GSK3B: variants seen among roughly 807,000 people sequenced by gnomAD.
GSK3B encodes glycogen synthase kinase 3 beta.
GSK3B carries 15 observed loss-of-function variants against 56.4 expected under a neutral mutation model. The ratio of observed to expected loss-of-function variants is 0.27; its 90% CI spans 0.18 to 0.41. The LOEUF is 0.41. Ranked by LOEUF, GSK3B falls within the 10% of genes least tolerant of loss-of-function variation. The pLI is 1.00. For synonymous variants in GSK3B, 181 were observed against 188.9 expected, an observed-to-expected ratio of 0.96 and a Z score of 0.34; for missense variants, 300 against 513.4, an observed-to-expected ratio of 0.58 and a Z score of 4.02.
At chr3:120,089,299 T>G (rs2058491501) in intron 1 of GSK3B, among the ~76,000 whole-genome samples, 1 of 152,236 alleles carries the variant, frequency 6.6e-6, no homozygotes, top group African/African-American at 2.4e-5. Context: ...CATGCAATTC[T>G]TAAATATCTT....
chr3:119,829,392 A>G (rs2055564723), intron 10 of GSK3B, among the ~76,000 whole-genome samples: 1 of 152,180 alleles, frequency 6.6e-6, no homozygotes, highest in Non-Finnish European at 1.5e-5. Context: ...TCAGTATGGG[A>G]AGATAACAGG....
At chr3:119,986,644 C>T (rs1293498476) in intron 2 of GSK3B, among the ~76,000 whole-genome samples, 7 of 152,148 alleles carry the variant, frequency 4.6e-5, no homozygotes, top group African/African-American at 9.7e-5. Context: ...TACCATCTCA[C>T]GCCAGTTAGA....
intron 2 of GSK3B, among the ~76,000 whole-genome samples, chr3:119,978,303 C>G (rs1351502669): frequency 6.6e-6 from 1 of 152,072 alleles, no homozygotes; most frequent in Non-Finnish European, 1.5e-5. Context: ...AGATTCCAAC[C>G]CCGCCATAAA....
At chr3:119,866,735 G>T (rs906945055) in intron 8 of GSK3B, 10 of 697,870 alleles carry the variant, frequency 1.4e-5, no homozygotes, top group East Asian at 5.4e-5. Flanking sequence ...TCCATGGTGT[G>T]GGGGGGGACA....
intron 1 of GSK3B, among the ~76,000 whole-genome samples, chr3:120,063,962 G>A (rs1034206775): frequency 5.9e-5 from 9 of 151,904 alleles, no homozygotes; most frequent in African/African-American, 1.5e-4. Context: ...ACTCCAGCCT[G>A]GGCAACAGAG....
chr3:120,083,979 G>C lies in GSK3B; in HGVS notation c.88+9368C>G, dbSNP rs12633661. 2.1e-3 allele frequency among the ~76,000 whole-genome samples: 316 copies of C among 152,282 alleles called. 4 individuals are homozygous for C. Among genetic ancestry groups the C allele is most frequent in the East Asian group, 0.012 (64 of 5,192 alleles). ...GGTTGCCTAGAGCTGTGGGGAAGGG[G>C]AACATAGGGAATGGCTGCTAATGGG... On this transcript the variant is annotated intron_variant, in intron 1 of 10. Transcript: ENST00000264235.
intron 2 of GSK3B, among the ~76,000 whole-genome samples, chr3:119,976,296 A>C (rs1279718238): frequency 1.3e-5 from 2 of 152,240 alleles, no homozygotes; most frequent in Non-Finnish European, 2.9e-5. Context: ...AGCATCATTC[A>C]TAACAGCCAA....
At chr3:119,948,698 T>C (rs1454079702) in intron 2 of GSK3B, among the ~76,000 whole-genome samples, 1 of 152,160 alleles carries the variant, frequency 6.6e-6, no homozygotes, top group Non-Finnish European at 1.5e-5. Context: ...TATACTTTGT[T>C]TTTTTGTTTG....
intron 7 of GSK3B, among the ~76,000 whole-genome samples, chr3:119,897,000 T>C (rs1330304122): frequency 6.6e-6 from 1 of 152,208 alleles, no homozygotes; most frequent in African/African-American, 2.4e-5. Context: ...ACTCAGGTCC[T>C]AAAATACAAC....
chr3:120,013,305 C>T (rs1576271135), intron 1 of GSK3B, among the ~76,000 whole-genome samples: 1 of 152,308 alleles, frequency 6.6e-6, no homozygotes, highest in African/African-American at 2.4e-5. Context: ...GCTGAACATA[C>T]TTTGTTCATT....
chr3:119,855,351 A>G (rs930579924), intron 9 of GSK3B, among the ~76,000 whole-genome samples: 10 of 152,206 alleles, frequency 6.6e-5, no homozygotes, highest in African/African-American at 2.2e-4. Flanking sequence ...GAGGATGTGG[A>G]AAAATAGGAA....
At position 119,823,049 on chromosome 3, in the gene GSK3B, T is replaced by TA. The variant is rs59824213; in HGVS notation, c.*3738dup. Reference sequence around the variant, plus strand: ...AATGTGTCTAAAAATTAAGAGGACTTAAAAAAAATGACACAGCATGTCACT... The same window carrying TA: ...AATGTGTCTAAAAATTAAGAGGACTTAAAAAAAAATGACACAGCATGTCACT... On this transcript the variant is annotated 3_prime_UTR_variant, in exon 11 of 11. Coordinates refer to ENST00000264235, the MANE Select transcript of GSK3B (RefSeq NM_001146156.2). The TA allele has an allele frequency of 5.7e-5, 13 of 229,126 alleles. No homozygotes were observed. Among genetic ancestry groups the TA allele is most frequent in the East Asian group, 1.2e-4 (2 of 16,118 alleles). 14.2% of individuals were successfully genotyped at this position (229,126 alleles called of 1,614,324 possible).
intron 3 of GSK3B, among the ~76,000 whole-genome samples, chr3:119,939,770 G>C (rs1355430332): frequency 6.6e-6 from 1 of 152,108 alleles, no homozygotes; most frequent in Non-Finnish European, 1.5e-5. Context: ...TTTAATAATT[G>C]ATATATAGCA....
intron 2 of GSK3B, among the ~76,000 whole-genome samples, chr3:119,953,228 C>T (rs1263142762): frequency 4.6e-5 from 7 of 151,974 alleles, no homozygotes; most frequent in Admixed American, 6.6e-5. Context: ...AGACTTAAGA[C>T]GATACACTAA....
At chr3:120,042,384 G>A (rs2058070783) in intron 1 of GSK3B, among the ~76,000 whole-genome samples, 1 of 152,184 alleles carries the variant, frequency 6.6e-6, no homozygotes, top group South Asian at 2.1e-4. Context: ...CATGTGTGAT[G>A]CAGTCTTCAT....
chr3:120,003,380 TACATTG>T (rs1401250516), intron 1 of GSK3B, among the ~76,000 whole-genome samples: 2 of 152,234 alleles, frequency 1.3e-5, no homozygotes, highest in African/African-American at 4.8e-5. Context: ...AAAAGAGCTT[TACATTG>T]TTCTTTTAGT....
intron 7 of GSK3B, among the ~76,000 whole-genome samples, chr3:119,896,997 T>G (rs1045775473): frequency 6.6e-6 from 1 of 152,196 alleles, no homozygotes; most frequent in Non-Finnish European, 1.5e-5. Flanking sequence ...TTGACTCAGG[T>G]CCTAAAATAC....
intron 3 of GSK3B, among the ~76,000 whole-genome samples, chr3:119,932,840 T>C (rs976986261): frequency 2.0e-5 from 3 of 152,148 alleles, no homozygotes; most frequent in Non-Finnish European, 2.9e-5. Context: ...CTGGGTACGG[T>C]GGCTCACGCT....
chr3:119,853,544 T>A (rs2055970990), intron 9 of GSK3B, among the ~76,000 whole-genome samples: 1 of 152,146 alleles, frequency 6.6e-6, no homozygotes, highest in Non-Finnish European at 1.5e-5. Context: ...TGATTCCTCC[T>A]ATCCATGAGC....
Sources: gnomAD v4.1 joint callset for allele counts (sites outside exome capture counted in the v4.1 genomes callset) on GRCh38, gnomAD v4.1.1 for gene constraint, MANE v1.5 for transcripts, NCBI Gene and HGNC (gene_info 2026-07-23, HGNC 2026-07-21) for gene names.